SYNJ1: variants seen among roughly 807,000 people sequenced by gnomAD.
SYNJ1 encodes the protein polyphosphatidylinositol phosphatase SYNJ1.
Under a neutral mutation model 168.2 loss-of-function variants are expected in SYNJ1, and 78 were observed. The observed-to-expected ratio is 0.46, with a 90% CI of 0.39 to 0.56. SYNJ1 has a LOEUF of 0.56. SYNJ1 is among the 20% of genes least tolerant of loss of function. The probability of loss-of-function intolerance (pLI) is 0.00; values close to 1 mark genes in which losing one functional copy is unlikely to be tolerated. For missense variants in SYNJ1, 1,303 were observed against 1,597.6 expected (o/e 0.82, Z 3.14); for synonymous variants, 539 against 548.6 (o/e 0.98, Z 0.24).
intron 29 of SYNJ1, among the ~76,000 whole-genome samples, chr21:32,640,785 G>A (rs545031831): frequency 9.9e-5 from 15 of 152,228 alleles, no homozygotes; most frequent in Middle Eastern, 3.4e-3. Flanking sequence ...TCAATATTCC[G>A]AATTAAATAC....
intron 1 of SYNJ1, 52 bp downstream of exon 1, chr21:32,727,894 C>T: frequency 6.5e-7 from 1 of 1,528,370 alleles, no homozygotes. Context: ...GCCCGCCCGG[C>T]TGCCCGTGGG....
At chr21:32,682,192 C>T (rs1192397932) in intron 10 of SYNJ1, among the ~76,000 whole-genome samples, 2 of 152,072 alleles carry the variant, frequency 1.3e-5, no homozygotes, top group African/African-American at 4.8e-5. Context: ...AAGGGAAGAA[C>T]TAGGGGGAAG....
intron 1 of SYNJ1, 80 bp downstream of exon 1, chr21:32,727,866 C>T (rs1388533035): frequency 6.6e-7 from 1 of 1,518,502 alleles, no homozygotes; most frequent in Non-Finnish European, 8.8e-7. Context: ...GAGGCAGAGA[C>T]TGGTCTTGGA....
At chr21:32,678,538 C>T in intron 12 of SYNJ1, 107 bp downstream of exon 12, 1 of 1,244,270 alleles carries the variant, frequency 8.0e-7, no homozygotes, top group Non-Finnish European at 1.1e-6. Flanking sequence ...ACAGAAATCC[C>T]TTCAAAAACT....
chr21:32,649,326 G>A (rs1043048235), intron 23 of SYNJ1, among the ~76,000 whole-genome samples: 2 of 152,108 alleles, frequency 1.3e-5, no homozygotes, highest in Non-Finnish European at 2.9e-5. Flanking sequence ...CTTGTAAGAC[G>A]TTCAACTCTT....
chr21:32,676,866 G>T (rs942813447), intron 12 of SYNJ1, among the ~76,000 whole-genome samples: 3 of 152,084 alleles, frequency 2.0e-5, no homozygotes, highest in African/African-American at 2.4e-5. Flanking sequence ...CAGCCACAGG[G>T]CTTATGGGAA....
intron 6 of SYNJ1, among the ~76,000 whole-genome samples, chr21:32,690,920 TGGG>T (rs1264155809): frequency 6.6e-6 from 1 of 151,918 alleles, no homozygotes; most frequent in Non-Finnish European, 1.5e-5. Context: ...AATTCCAACT[TGGG>T]GGAAAAAAAA....
Position 32,681,537 on chromosome 21 carries a change from T to C in SYNJ1, c.1312A>G (p.Lys438Glu). Residue 438 changes from lysine (K) to glutamate (E), a missense_variant, in exon 11 of 33, where the codon AAG (lysine) becomes GAG (glutamate). Lys to Glu is a moderately conservative substitution (Grantham distance 56, BLOSUM62 1). This residue lies in a region of SYNJ1 where 920 missense variants were observed against 1,208.8 expected (regional missense o/e 0.76). Transcript: ENST00000674351. ...MWSVNGDSIS[K>E]IYAGTGALEG... ...AGAGCTCCAGTTCCTGCATATATCT[T>C]ACTGATTGAATCACCATTCACGGAC... 1.2e-6 allele frequency: 2 copies of C among 1,613,756 alleles called. No individual in the cohort carries two copies. Among genetic ancestry groups the C allele is most frequent in the Non-Finnish European group, 1.7e-6 (2 of 1,179,774 alleles).
chr21:32,645,864 A>G (rs1422030133), intron 24 of SYNJ1, 75 bp from the exon 25 acceptor site: 1 of 1,510,980 alleles, frequency 6.6e-7, no homozygotes, highest in East Asian at 2.4e-5. Context: ...CTTCATATAT[A>G]TGTGTAATGT....
At chr21:32,710,340 A>C (rs1250248512) in intron 2 of SYNJ1, among the ~76,000 whole-genome samples, 1 of 152,208 alleles carries the variant, frequency 6.6e-6, no homozygotes, top group Non-Finnish European at 1.5e-5. Flanking sequence ...TATTTCTCCA[A>C]ATAAAATGTT....
chr21:32,702,044 G>A lies in SYNJ1; in HGVS notation c.128C>T (p.Ser43Phe). ...ACCCTTGATTGCCTCTTTTTCTGCAGATGCTACAAAAAAAAGTTTTAGTTT... is the reference window on the plus strand; with the variant it reads ...ACCCTTGATTGCCTCTTTTTCTGCAAATGCTACAAAAAAAAGTTTTAGTTT... The part of the protein sequence containing the change: ...FESGAVAVLS[S>F]AEKEAIKGTY... The change falls in exon 3 of 33, where the codon TCT becomes TTT. Residue 43 changes from serine to phenylalanine, a missense_variant. Coordinates refer to ENST00000674351, the MANE Select transcript of SYNJ1 (RefSeq NM_203446.3). The A allele has an allele frequency of 6.5e-7, 1 of 1,548,286 alleles. No homozygotes were observed. Among genetic ancestry groups the A allele is most frequent in the Non-Finnish European group, 8.8e-7 (1 of 1,137,874 alleles).
intron 24 of SYNJ1, chr21:32,646,035 T>G (rs1164987591): frequency 3.9e-6 from 3 of 760,764 alleles, no homozygotes; most frequent in East Asian, 5.0e-5. Context: ...GCTAATTTAC[T>G]AAGTGGCCCT....
chr21:32,664,729 A>C (rs529870669), intron 18 of SYNJ1, among the ~76,000 whole-genome samples, 184 bp downstream of exon 18: 1 of 152,286 alleles, frequency 6.6e-6, no homozygotes, highest in Non-Finnish European at 1.5e-5. Flanking sequence ...TGGTGTCTGA[A>C]GGGTTCTTGT....
chr21:32,669,153 C>CA (rs1569069600), intron 15 of SYNJ1, among the ~76,000 whole-genome samples: 2 of 151,888 alleles, frequency 1.3e-5, no homozygotes, highest in South Asian at 2.1e-4. Flanking sequence ...TGATCTGTAA[C>CA]AAAAAAAGAA....
intron 23 of SYNJ1, among the ~76,000 whole-genome samples, chr21:32,647,391 G>A (rs1416654601): frequency 6.6e-6 from 1 of 152,166 alleles, no homozygotes; most frequent in Non-Finnish European, 1.5e-5. Flanking sequence ...CAAAGTCCAT[G>A]TGGACAACTC....
rs113368020 is a variant in SYNJ1, at chr21:32,703,665, A to C, written c.125-1618T>G. Reference sequence around the variant, plus strand: ...TACTAGATATATCCATTTCAGCAGCAATCATCATTTGGGTTCAAATGCCAG... The same window carrying C: ...TACTAGATATATCCATTTCAGCAGCCATCATCATTTGGGTTCAAATGCCAG... On this transcript the variant is annotated intron_variant, in intron 2 of 32. Transcript: ENST00000674351. Among the ~76,000 whole-genome samples, 11 of 152,330 alleles carry C rather than the reference A, an allele frequency of 7.2e-5. 1 individual carries two copies. Among genetic ancestry groups the C allele is most frequent in the African/African-American group, 2.6e-4 (11 of 41,570 alleles).
Position 32,650,255 on chromosome 21 carries a change from G to A in SYNJ1, c.2966C>T (p.Ala989Val), listed in dbSNP as rs1292300222. The A allele has an allele frequency of 1.2e-6, 2 of 1,613,980 alleles. No homozygotes were observed. Among genetic ancestry groups the A allele is most frequent in the Admixed American group, 1.7e-5 (1 of 60,002 alleles). ...GGTAGAGCTTGTTGATGATGGCAAT[G>A]CAATGCTAATTTTCTCTAAACTCAT... is the stretch of plus-strand genomic sequence containing the variant. ...EEMSLEKISI[A>V]LPSSTSSTLL... Residue 989 changes from alanine to valine, a missense_variant, in exon 23 of 33, where the codon GCA (alanine) becomes GTA (valine). Coordinates refer to ENST00000674351, the MANE Select transcript of SYNJ1 (RefSeq NM_203446.3).
At position 32,689,126 on chromosome 21, in the gene SYNJ1, AAG is replaced by A. The variant is rs112338979; in HGVS notation, c.790-761_790-760del. On this transcript the variant is annotated intron_variant, in intron 6 of 32. Transcript: ENST00000674351. ...GCAGAGAGATGAGGCATAATTGAGA[AAG>A]ATATAACATGCCAAGAAGAAATATA... Among the ~76,000 whole-genome samples the A allele has an allele frequency of 7.2e-5, 11 of 152,340 alleles. 1 individual carries two copies. The highest frequency in any genetic ancestry group is 2.6e-4 in the African/African-American group (11 of 41,590).
intron 17 of SYNJ1, 114 bp from the exon 18 acceptor site, chr21:32,665,185 C>A: frequency 9.0e-7 from 1 of 1,111,202 alleles, no homozygotes; most frequent in Non-Finnish European, 1.2e-6. Context: ...GTTTCTTTGA[C>A]CCAACAGTAA....
Sources: allele counts gnomAD v4.1 joint callset (sites outside exome capture counted in the v4.1 genomes callset), GRCh38; gene constraint gnomAD v4.1.1; regional missense constraint gnomAD v4.1.1; transcripts MANE v1.5; gene names NCBI Gene and HGNC (gene_info 2026-07-23, HGNC 2026-07-21).